SMAD3: variants seen among roughly 807,000 people sequenced by gnomAD.
The protein encoded by SMAD3 is SMAD family member 3, also known as MAD homolog 3.
SMAD3 carries 12 observed loss-of-function variants against 51.8 expected under a neutral mutation model. The ratio of observed to expected loss-of-function variants is 0.23; its 90% CI spans 0.15 to 0.38. The LOEUF (loss-of-function observed/expected upper bound fraction) is 0.38. Ranked by LOEUF, SMAD3 falls within the 10% of genes least tolerant of loss-of-function variation. The pLI, the probability that SMAD3 is intolerant of heterozygous loss-of-function variation, is 1.00. For missense variants in SMAD3, 294 were observed against 565.6 expected, an observed-to-expected ratio of 0.52 and a Z score of 4.87; for synonymous variants, 238 against 227.7, an observed-to-expected ratio of 1.05 and a Z score of -0.41.
intron 1 of SMAD3, among the ~76,000 whole-genome samples, chr15:67,161,297 A>G (rs1962425209): frequency 1.3e-5 from 2 of 152,194 alleles, no homozygotes; most frequent in African/African-American, 2.4e-5. Flanking sequence ...TCCTTGTGCC[A>G]TTACCATACT....
At chr15:67,138,134 T>G in intron 1 of SMAD3, 3 of 1,486,270 alleles carry the variant, frequency 2.0e-6, no homozygotes, top group African/African-American at 1.4e-5. Flanking sequence ...GTCTTTTCTC[T>G]TTCTTGAACT....
At chr15:67,071,641 C>G (rs571577900) in intron 1 of SMAD3, among the ~76,000 whole-genome samples, 15 of 152,080 alleles carry the variant, frequency 9.9e-5, no homozygotes, top group Admixed American at 2.0e-4. Flanking sequence ...GAAACCCTGT[C>G]TCTACTAAAA....
At chr15:67,079,079 G>A (rs1960229406) in intron 1 of SMAD3, among the ~76,000 whole-genome samples, 1 of 151,746 alleles carries the variant, frequency 6.6e-6, no homozygotes, top group Non-Finnish European at 1.5e-5. Flanking sequence ...CCCGGATTCA[G>A]GCTATTCTCC....
intron 1 of SMAD3, chr15:67,137,968 A>G (rs1595921869): frequency 6.3e-6 from 8 of 1,278,240 alleles, no homozygotes; most frequent in East Asian, 5.0e-5. Flanking sequence ...GAAGGGCTGT[A>G]TTGTCCTTAT....
At chr15:67,081,929 T>G (rs1371000819) in intron 1 of SMAD3, among the ~76,000 whole-genome samples, 1 of 152,020 alleles carries the variant, frequency 6.6e-6, no homozygotes, top group Non-Finnish European at 1.5e-5. Flanking sequence ...GTAAATTTTA[T>G]TTGGGTTAGT....
At chr15:67,127,860 A>G (rs1042649752) in intron 1 of SMAD3, among the ~76,000 whole-genome samples, 5 of 152,258 alleles carry the variant, frequency 3.3e-5, no homozygotes, top group Admixed American at 1.3e-4. Flanking sequence ...GCTTAGGCTG[A>G]AAGTGGTAGG....
intron 1 of SMAD3, among the ~76,000 whole-genome samples, chr15:67,160,810 A>G (rs917417076): frequency 6.8e-5 from 8 of 117,518 alleles, no homozygotes; most frequent in African/African-American, 2.5e-4. Context: ...AAAAAAAAAA[A>G]AAGAAGATTG....
intron 8 of SMAD3, among the ~76,000 whole-genome samples, chr15:67,189,055 A>G (rs913845275): frequency 6.6e-6 from 1 of 152,264 alleles, no homozygotes; most frequent in African/African-American, 2.4e-5. Flanking sequence ...CCAGGCCCAA[A>G]GGTCTAGCCA....
chr15:67,107,257 T>A (rs1254009473), intron 1 of SMAD3, among the ~76,000 whole-genome samples: 1 of 152,126 alleles, frequency 6.6e-6, no homozygotes. Flanking sequence ...GGTGGGAATT[T>A]CAGGCACAGT....
At chr15:67,157,511 C>T (rs961657688) in intron 1 of SMAD3, among the ~76,000 whole-genome samples, 38 of 152,286 alleles carry the variant, frequency 2.5e-4, no homozygotes, top group African/African-American at 8.9e-4. Flanking sequence ...GGGGTGTTGC[C>T]GTTTCTGCGT....
intron 1 of SMAD3, among the ~76,000 whole-genome samples, chr15:67,108,202 G>T (rs994531136): frequency 6.6e-6 from 1 of 152,138 alleles, no homozygotes; most frequent in Non-Finnish European, 1.5e-5. Context: ...GACTCTGTGC[G>T]GTTGTATTAT....
chr15:67,100,797 C>G (rs747393243), intron 1 of SMAD3, among the ~76,000 whole-genome samples: 57 of 152,144 alleles, frequency 3.7e-4, no homozygotes, highest in Non-Finnish European at 2.1e-4. Flanking sequence ...CAGGCTCTAC[C>G]TTTATGAGGA....
intron 1 of SMAD3, among the ~76,000 whole-genome samples, chr15:67,164,104 G>C (rs1168125005): frequency 6.6e-6 from 1 of 151,960 alleles, no homozygotes; most frequent in Non-Finnish European, 1.5e-5. Context: ...GAGGTTAGGA[G>C]ATCGAGACCA....
At chr15:67,076,294 A>G (rs1004341914) in intron 1 of SMAD3, among the ~76,000 whole-genome samples, 1 of 152,234 alleles carries the variant, frequency 6.6e-6, no homozygotes, top group African/African-American at 2.4e-5. Flanking sequence ...TTGGTCGACT[A>G]AAAATAATAG....
chr15:67,181,949 G>A (rs1311805088), intron 6 of SMAD3, among the ~76,000 whole-genome samples: 2 of 152,076 alleles, frequency 1.3e-5, no homozygotes, highest in Non-Finnish European at 2.9e-5. Context: ...ACCACGCCCA[G>A]CTAATTTTTG....
intron 1 of SMAD3, among the ~76,000 whole-genome samples, chr15:67,102,061 C>T (rs1960769954): frequency 1.3e-5 from 2 of 152,172 alleles, no homozygotes; most frequent in African/African-American, 2.4e-5. Context: ...TATGAGGCAC[C>T]TGATCTGTTT....
At chr15:67,143,384 C>G (rs1033911755) in intron 1 of SMAD3, among the ~76,000 whole-genome samples, 1 of 152,208 alleles carries the variant, frequency 6.6e-6, no homozygotes, top group Non-Finnish European at 1.5e-5. Flanking sequence ...CAAAATATGT[C>G]TAGGCTTTTG....
rs751618894 is a variant in SMAD3, at chr15:67,066,377, G to C, written c.206+17G>C. The C allele has an allele frequency of 6.2e-7, 1 of 1,605,512 alleles. No individual in the cohort carries two copies. Among genetic ancestry groups the C allele is most frequent in the Non-Finnish European group, 8.5e-7 (1 of 1,175,172 alleles). The stretch of plus-strand genomic sequence containing the variant: ...CATCCCCAGGTGGGGGCCCGCCCGG[G>C]GGGGACCCGGGGTCACGCCGGCCCA... On this transcript the variant is annotated intron_variant, in intron 1 of 8. Transcript: ENST00000327367.
At chr15:67,067,071 C>G (rs746640351) in intron 1 of SMAD3, among the ~76,000 whole-genome samples, 9 of 152,046 alleles carry the variant, frequency 5.9e-5, no homozygotes, top group Non-Finnish European at 1.3e-4. Context: ...CTCCCACCCC[C>G]CCATCCCGAC....
Sources: gnomAD v4.1 joint callset for allele counts (sites outside exome capture counted in the v4.1 genomes callset) on GRCh38, gnomAD v4.1.1 for gene constraint, MANE v1.5 for transcripts, NCBI Gene and HGNC (gene_info 2026-07-23, HGNC 2026-07-21) for gene names.